The following PDPR variants were observed in gnomAD, a reference collection of about 807,000 sequenced individuals.
PDPR encodes the protein pyruvate dehydrogenase phosphatase regulatory subunit, mitochondrial.
PDPR carries 50 observed loss-of-function variants against 102.2 expected under a neutral mutation model. That is an observed-to-expected ratio of 0.49 (90% confidence interval 0.39 to 0.62). The LOEUF (loss-of-function observed/expected upper bound fraction) is 0.62. PDPR is among the 20% of genes least tolerant of loss of function. PDPR has a pLI of 0.00. For missense variants in PDPR, 625 were observed against 1,098.2 expected (o/e 0.57, Z 6.09); for synonymous variants, 259 against 406.0 (o/e 0.64, Z 4.35).
chr16:70,139,703 T>TA (rs1965518070), intron 11 of PDPR, among the ~76,000 whole-genome samples: 1 of 152,252 alleles, frequency 6.6e-6, no homozygotes, highest in African/African-American at 2.4e-5. Flanking sequence ...AAAGCTTTTG[T>TA]ATCAGGAATT....
chr16:70,163,136 C>T (rs372487196), downstream of PDPR, among the ~76,000 whole-genome samples: 190 of 151,404 alleles, frequency 1.3e-3, no homozygotes, highest in African/African-American at 3.2e-3. Context: ...TTCGTAGAGA[C>T]GGGGTTTCGC....
At chr16:70,123,681 T>C (rs1409124294) in intron 3 of PDPR, among the ~76,000 whole-genome samples, 1 of 152,280 alleles carries the variant, frequency 6.6e-6, no homozygotes, top group African/African-American at 2.4e-5. Flanking sequence ...GGTTCATTTT[T>C]GGTTTAATTT....
In PDPR at chr16:70,148,359, C is replaced by T; in HGVS notation, c.1963-105C>T. The T allele has an allele frequency of 3.4e-6, 3 of 875,508 alleles. No individual in the cohort carries two copies. In the Middle Eastern group the frequency reaches 6.6e-4, roughly 192 times the overall value. 54.2% of individuals were successfully genotyped at this position (875,508 alleles called of 1,614,324 possible). A position where few individuals can be genotyped will look rare whatever the true frequency, so the allele number is the denominator to read the frequency against. On this transcript the variant is annotated intron_variant, in intron 16 of 18. Transcript: ENST00000288050. ...TTCTTGCCTTGACGTCTGTCTCCCT[C>T]AACAGTAAACAGAGGGTGCAGCACT...
intron 10 of PDPR, 67 bp from the exon 11 acceptor site, chr16:70,138,832 A>T: frequency 6.2e-7 from 1 of 1,603,956 alleles, no homozygotes; most frequent in Non-Finnish European, 8.5e-7. Flanking sequence ...TTTGTTCTCG[A>T]TTTGTAGAAT....
intron 13 of PDPR, 91 bp downstream of exon 13, chr16:70,142,777 G>C: frequency 3.2e-6 from 5 of 1,545,850 alleles, no homozygotes; most frequent in Non-Finnish European, 4.4e-6. Flanking sequence ...ACTGATTCCT[G>C]ACTGGGTGCA....
At chr16:70,142,751 G>T (rs1965859030) in intron 13 of PDPR, 65 bp downstream of exon 13, 1 of 1,603,668 alleles carries the variant, frequency 6.2e-7, no homozygotes. Flanking sequence ...AATGCCTTTT[G>T]TTTTTCATCT....
intron 2 of PDPR, among the ~76,000 whole-genome samples, chr16:70,117,766 T>G (rs1274322120): frequency 6.6e-6 from 1 of 152,092 alleles, no homozygotes; most frequent in African/African-American, 2.4e-5. Flanking sequence ...GCACTTGATA[T>G]GAAAAGAGTT....
chr16:70,144,860 C>T (rs571876415), intron 15 of PDPR, among the ~76,000 whole-genome samples: 2 of 152,126 alleles, frequency 1.3e-5, no homozygotes, highest in African/African-American at 4.8e-5. Flanking sequence ...GAGGCTGAGG[C>T]AGGAGAATCA....
intron 11 of PDPR, among the ~76,000 whole-genome samples, chr16:70,141,040 T>G (rs1274736767): frequency 1.3e-5 from 2 of 152,212 alleles, no homozygotes; most frequent in Admixed American, 1.3e-4. Context: ...TGTTGAAGAT[T>G]AGACCTTAAG....
At chr16:70,130,050 TG>T (rs1488882999) in intron 6 of PDPR, among the ~76,000 whole-genome samples, 4 of 152,256 alleles carry the variant, frequency 2.6e-5, no homozygotes, top group African/African-American at 7.2e-5. Context: ...CCCAGCACTT[TG>T]GGAGGCCAAG....
intron 7 of PDPR, among the ~76,000 whole-genome samples, chr16:70,130,833 T>C (rs1268670759): frequency 6.6e-6 from 1 of 152,288 alleles, no homozygotes. Flanking sequence ...TTACATTTCA[T>C]TCTATAACCT....
intron 2 of PDPR, among the ~76,000 whole-genome samples, chr16:70,116,837 C>T (rs1185577739): frequency 3.3e-5 from 5 of 152,050 alleles, no homozygotes; most frequent in African/African-American, 7.2e-5. Context: ...ACATGGCGCC[C>T]GGCCTAAAGT....
At position 70,114,359 on chromosome 16, in the gene PDPR, G is replaced by A. The variant is rs1261153889; in HGVS notation, c.-224G>A. ...CCCCGAACCCCGCTTTCCGGCCCGCGGCGACCCCAGGCAACTGTTGTGGCT... is the reference window on the plus strand; with the variant it reads ...CCCCGAACCCCGCTTTCCGGCCCGCAGCGACCCCAGGCAACTGTTGTGGCT... On this transcript the variant is annotated 5_prime_UTR_variant, in exon 1 of 19. Transcript: ENST00000288050. 2 of 152,102 alleles carry A rather than the reference G, an allele frequency of 1.3e-5. No homozygotes were observed. Among genetic ancestry groups the A allele is most frequent in the Non-Finnish European group, 2.9e-5 (2 of 68,008 alleles). The allele number at this position is 152,102 out of a possible 1,614,324, so 9.4% of individuals were successfully genotyped here.
rs1967468940 is a variant in PDPR at position 70,158,557 on chromosome 16, C to G, written c.*1678C>G. 1 of 129,118 alleles carries G rather than the reference C, an allele frequency of 7.7e-6. No individual in the cohort carries two copies. The highest frequency in any genetic ancestry group is 7.8e-5 in the Admixed American group (1 of 12,848). The allele number at this position is 129,118 out of a possible 1,614,324, so 8.0% of individuals were successfully genotyped here. A position where few individuals can be genotyped will look rare whatever the true frequency, so the allele number is the denominator to read the frequency against. The stretch of plus-strand genomic sequence containing the variant: ...CTCCTAGTGATTACTGACTTTAGTG[C>G]CTAAACCTTTTTGGAAGGTTCTGGT... On this transcript the variant is annotated 3_prime_UTR_variant, in exon 19 of 19. Transcript: ENST00000288050.
intron 11 of PDPR, among the ~76,000 whole-genome samples, chr16:70,141,001 A>C (rs1193429596): frequency 2.0e-4 from 30 of 152,296 alleles, no homozygotes; most frequent in South Asian, 4.1e-4. Context: ...ACCACAGATC[A>C]CACTCTTCTG....
chr16:70,121,061 A>T (rs570442897), intron 3 of PDPR, among the ~76,000 whole-genome samples: 1 of 149,138 alleles, frequency 6.7e-6, no homozygotes, highest in East Asian at 2.0e-4. Flanking sequence ...AAGTGCTGGG[A>T]CTACAGGCAT....
chr16:70,125,338 T>G (rs1465596568), intron 3 of PDPR, among the ~76,000 whole-genome samples: 20 of 152,066 alleles, frequency 1.3e-4, no homozygotes, highest in Admixed American at 1.3e-3. Context: ...ATTGTGCCAT[T>G]GCACTCCAAT....
chr16:70,153,893 A>G (rs1399517530), intron 18 of PDPR, among the ~76,000 whole-genome samples: 1 of 152,216 alleles, frequency 6.6e-6, no homozygotes, highest in African/African-American at 2.4e-5. Flanking sequence ...AAAATACAAA[A>G]AGTAGGCCGG....
chr16:70,126,661 C>T (rs1253308742), intron 3 of PDPR, among the ~76,000 whole-genome samples: 1 of 152,258 alleles, frequency 6.6e-6, no homozygotes, highest in African/African-American at 2.4e-5. Context: ...CCGCACTCAG[C>T]CTTTATTTTT....
Sources: gnomAD v4.1 joint callset for allele counts (sites outside exome capture counted in the v4.1 genomes callset) on GRCh38, gnomAD v4.1.1 for gene constraint, MANE v1.5 for transcripts, NCBI Gene and HGNC (gene_info 2026-07-23, HGNC 2026-07-21) for gene names.